The following IFT172 variants were observed in gnomAD, a reference collection of about 807,000 sequenced individuals.
IFT172 encodes the protein intraflagellar transport 172.
In IFT172, 164 loss-of-function variants were observed where a neutral mutation model predicts 248.9. That is an observed-to-expected ratio of 0.66 (90% confidence interval 0.58 to 0.75). The LOEUF (loss-of-function observed/expected upper bound fraction) is 0.75, where lower values mean the gene tolerates loss of function less well. Among genes scored for constraint, IFT172 ranks in the 30% least tolerant of loss-of-function variants. IFT172 has a pLI of 0.00. For synonymous variants in IFT172, 729 were observed against 791.6 expected, an observed-to-expected ratio of 0.92 and a Z score of 1.33; for missense variants, 1,950 against 2,192.4, an observed-to-expected ratio of 0.89 and a Z score of 2.21.
At chr2:27,452,025 T>C (rs910758570) in intron 35 of IFT172, among the ~76,000 whole-genome samples, 3 of 151,958 alleles carry the variant, frequency 2.0e-5, no homozygotes, top group African/African-American at 7.2e-5. Flanking sequence ...GTTAACTTTA[T>C]GTATCAATTT....
At chr2:27,456,076 G>C (rs1666138263) in intron 30 of IFT172, among the ~76,000 whole-genome samples, 1 of 152,086 alleles carries the variant, frequency 6.6e-6, no homozygotes, top group Admixed American at 6.5e-5. Flanking sequence ...GATGGGCGTG[G>C]TGGTGCATGC....
chr2:27,445,515 G>A lies in IFT172; in HGVS notation c.4915-66C>T. The A allele has an allele frequency of 6.6e-7, 1 of 1,526,526 alleles. No homozygotes were observed. Among genetic ancestry groups the A allele is most frequent in the Non-Finnish European group, 8.9e-7 (1 of 1,126,406 alleles). The allele number at this position is 1,526,526 out of a possible 1,614,324, so 94.6% of individuals were successfully genotyped here. Reference sequence around the variant, plus strand: ...AGGGCAGGACAAGTTGGGGTGGATGGGTGAGGAGGGGGTTTGCTAAGCCCT... The same window carrying A: ...AGGGCAGGACAAGTTGGGGTGGATGAGTGAGGAGGGGGTTTGCTAAGCCCT... On this transcript the variant is annotated intron_variant, in intron 45 of 47. Coordinates refer to ENST00000260570, the MANE Select transcript of IFT172 (RefSeq NM_015662.3). This position sits in a 1 kb window ranked among gnomAD's most constrained non-coding sequence, Gnocchi z 4.4.
intron 10 of IFT172, among the ~76,000 whole-genome samples, chr2:27,479,256 C>T (rs543972589): frequency 2.6e-5 from 4 of 152,310 alleles, no homozygotes; most frequent in Middle Eastern, 3.4e-3. Flanking sequence ...CCGCCCGCCT[C>T]GGCCTCCCAA....
intron 43 of IFT172, 40 bp downstream of exon 43, chr2:27,446,220 C>A: frequency 6.3e-7 from 1 of 1,592,348 alleles, no homozygotes; most frequent in Non-Finnish European, 8.6e-7. Context: ...CAACCTTTAA[C>A]TTCCTCCTAT....
Position 27,449,029 on chromosome 2 carries a change from G to C in IFT172, c.4314C>G (p.Asn1438Lys). 6.5e-7 allele frequency: 1 copy of C among 1,545,686 alleles called. No individual in the cohort carries two copies. The highest frequency in any genetic ancestry group is 8.9e-7 in the Non-Finnish European group (1 of 1,117,622). The change falls in exon 40 of 48, where the codon AAC becomes AAG. Residue 1438 changes from asparagine (N) to lysine (K), a missense_variant and splice_region_variant. Around this residue, in one of 3 missense-constraint regions of IFT172, gnomAD observed 620 missense variants for 699.0 expected, o/e 0.89. Coordinates refer to ENST00000260570, the MANE Select transcript of IFT172 (RefSeq NM_015662.3). Reference protein sequence around the residue: ...DKCIETATKQNYKILHKYVAL... With the variant: ...DKCIETATKQKYKILHKYVAL... ...CCACATACTTGTGCAGAATCTTGTA[G>C]TTCTGTACAGGGGTGGAGGAAAAGC...
Position 27,466,464 on chromosome 2 carries a change from C to A in IFT172, c.1693-582G>T, listed in dbSNP as rs1326543388. Reference sequence around the variant, plus strand: ...GAAAATCCTTAATTAAACCTAGGATCCACTCTTTAGTAAAGGGAACAAAAG... The same window carrying A: ...GAAAATCCTTAATTAAACCTAGGATACACTCTTTAGTAAAGGGAACAAAAG... On this transcript the variant is annotated intron_variant, in intron 16 of 47. Transcript: ENST00000260570. 4.6e-5 allele frequency among the ~76,000 whole-genome samples: 7 copies of A among 152,092 alleles called. No homozygotes were observed. The South Asian group carries it at 8.3e-4, about 18-fold the overall frequency.
Position 27,445,548 on chromosome 2 carries a change from T to C in IFT172, c.4915-99A>G. On this transcript the variant is annotated intron_variant, in intron 45 of 47. Coordinates refer to ENST00000260570, the MANE Select transcript of IFT172 (RefSeq NM_015662.3). This position sits in a 1 kb window ranked among gnomAD's most constrained non-coding sequence, Gnocchi z 4.4. The stretch of plus-strand genomic sequence containing the variant: ...GGGGGTTTGCTAAGCCCTCATCCTG[T>C]ATACCAGCTTTTAGCCACGAATCCT... 1.1e-5 allele frequency: 16 copies of C among 1,399,202 alleles called. No individual in the cohort carries two copies. The highest frequency in any genetic ancestry group is 1.6e-5 in the Non-Finnish European group (16 of 1,030,600). 86.7% of individuals were successfully genotyped at this position (1,399,202 alleles called of 1,614,324 possible). A position where few individuals can be genotyped will look rare whatever the true frequency, so the allele number is the denominator to read the frequency against.
At chr2:27,476,922 C>A in intron 13 of IFT172, 196 bp from the exon 14 acceptor site, 1 of 589,992 alleles carries the variant, frequency 1.7e-6, no homozygotes, top group South Asian at 2.2e-5. Flanking sequence ...TCCCAGGCTC[C>A]GGGTGATTCT....
chr2:27,477,225 G>GT lies in IFT172; in HGVS notation c.1316dup (p.His439GlnfsTer8). The GT allele has an allele frequency of 6.2e-7, 1 of 1,613,194 alleles. No homozygotes were observed. The highest frequency in any genetic ancestry group is 8.5e-7 in the Non-Finnish European group (1 of 1,179,180). ...GAATCTTGTGAGGTTACCTGATGAG[G>GT]TGGGGGTTCATGAATTCAGTGCGTA... is the stretch of plus-strand genomic sequence containing the variant. On this transcript the variant is annotated frameshift_variant, in exon 13 of 48. Transcript: ENST00000260570. LOFTEE classifies it high-confidence loss of function.
Position 27,457,948 on chromosome 2 carries a change from G to C in IFT172, c.3004C>G (p.Leu1002Val). The C allele has an allele frequency of 6.2e-7, 1 of 1,614,194 alleles. No homozygotes were observed. The highest frequency in any genetic ancestry group is 8.5e-7 in the Non-Finnish European group (1 of 1,180,018). Residue 1002 changes from leucine (L) to valine (V), a missense_variant, in exon 28 of 48, where the codon CTT (leucine) becomes GTT (valine). Coordinates refer to ENST00000260570, the MANE Select transcript of IFT172 (RefSeq NM_015662.3). ...RLYVTVQEPD[L>V]AITMYKKHKL... ...TGCTTTTTGTACATGGTGATGGCAA[G>C]ATCAGGCTCTTGTACTGTCACATAT...
Position 27,457,963 on chromosome 2 carries a change from C to T in IFT172, c.2989G>A (p.Val997Ile), listed in dbSNP as rs1181361766. The T allele has an allele frequency of 1.2e-6, 2 of 1,614,172 alleles. No homozygotes were observed. The highest frequency in any genetic ancestry group is 1.3e-5 in the African/African-American group (1 of 75,044). ...YREAERLYVT[V>I]QEPDLAITMY... ...GTGATGGCAAGATCAGGCTCTTGTA[C>T]TGTCACATATAGCCTGGGGAAGGAG... Residue 997 changes from valine to isoleucine, a missense_variant, in exon 28 of 48, where the codon GTA (valine) becomes ATA (isoleucine). Physicochemically the swap from Val to Ile is conservative, Grantham distance 29. Transcript: ENST00000260570.
In IFT172 at chr2:27,447,358, A is replaced by G. The variant is rs117703014; in HGVS notation, c.4659+157T>C. On this transcript the variant is annotated intron_variant, in intron 42 of 47. Transcript: ENST00000260570. ...AGGTCGGAAGAAGAAAACCTCAGCA[A>G]GGGCTAAAGATTTGTTTAGACAGAA... 3.6e-4 allele frequency among the ~76,000 whole-genome samples: 55 copies of G among 152,366 alleles called. 1 individual carries two copies. In the East Asian group the frequency reaches 0.01, roughly 28 times the overall value.
At position 27,447,584 on chromosome 2, in the gene IFT172, C is replaced by T. The variant is rs1250282277; in HGVS notation, c.4590G>A (p.Glu1530=). ...SSEANSPAHE[E]FKTMLLIAHY... Reference sequence around the variant, plus strand: ...GAGCGATCAGCAGCATCGTCTTGAACTCCTCATGGGCTGGAGAGTTTGCCT... The same window carrying T: ...GAGCGATCAGCAGCATCGTCTTGAATTCCTCATGGGCTGGAGAGTTTGCCT... The change falls in exon 42 of 48, where the codon GAG becomes GAA. Residue 1530 remains glutamate, a synonymous_variant. Transcript: ENST00000260570. 6.2e-7 allele frequency: 1 copy of T among 1,614,182 alleles called. No homozygotes were observed.
intron 15 of IFT172, 149 bp from the exon 16 acceptor site, chr2:27,471,244 T>A: frequency 3.0e-6 from 2 of 667,484 alleles, no homozygotes; most frequent in Admixed American, 6.2e-5. Context: ...TGCTTTCTGC[T>A]GAGCTGGTAT....
At chr2:27,482,416 C>T (rs1429069554) in intron 7 of IFT172, among the ~76,000 whole-genome samples, 1 of 152,154 alleles carries the variant, frequency 6.6e-6, no homozygotes, top group Admixed American at 6.5e-5. Context: ...CCTCAGCCTC[C>T]CAGAAAGCTG....
At chr2:27,460,145 C>G (rs2148503577) in intron 23 of IFT172, among the ~76,000 whole-genome samples, 1 of 151,102 alleles carries the variant, frequency 6.6e-6, no homozygotes, top group African/African-American at 2.4e-5. Context: ...TGTGCTGTGT[C>G]CACTCAGAGT....
intron 10 of IFT172, 97 bp from the exon 11 acceptor site, chr2:27,478,253 G>A (rs936028617): frequency 3.5e-5 from 49 of 1,394,636 alleles, no homozygotes; most frequent in Non-Finnish European, 4.4e-5. Flanking sequence ...ACTAAACAAA[G>A]CTAATACCTT....
At chr2:27,460,224 G>C (rs2148503750) in intron 23 of IFT172, among the ~76,000 whole-genome samples, 1 of 146,444 alleles carries the variant, frequency 6.8e-6, no homozygotes, top group South Asian at 2.3e-4. Flanking sequence ...TGCTCCTTAA[G>C]AGTCATCACC....
chr2:27,477,871 C>G, intron 11 of IFT172, 124 bp downstream of exon 11: 1 of 1,239,462 alleles, frequency 8.1e-7, no homozygotes, highest in South Asian at 1.4e-5. Context: ...TCCCTGAAAC[C>G]AGGTCCCCTA....
Sources: allele counts gnomAD v4.1 joint callset (sites outside exome capture counted in the v4.1 genomes callset), GRCh38; gene constraint gnomAD v4.1.1; regional missense constraint gnomAD v4.1.1; non-coding constraint Gnocchi (gnomAD v3.1); transcripts MANE v1.5; gene names NCBI Gene and HGNC (gene_info 2026-07-23, HGNC 2026-07-21).